NFYB: variants seen among roughly 807,000 people sequenced by gnomAD.
NFYB encodes CAAT box DNA-binding protein subunit B.
NFYB carries 13 observed loss-of-function variants against 28.0 expected under a neutral mutation model. The ratio of observed to expected loss-of-function variants is 0.46; its 90% confidence interval spans 0.30 to 0.74. The LOEUF (loss-of-function observed/expected upper bound fraction) is 0.74. Among genes scored for constraint, NFYB ranks in the 30% least tolerant of loss-of-function variants. NFYB has a pLI of 0.07. For missense variants in NFYB, 142 were observed against 247.6 expected, an observed-to-expected ratio of 0.57 and a Z score of 2.86; for synonymous variants, 74 against 75.0, an observed-to-expected ratio of 0.99 and a Z score of 0.07.
intron 2 of NFYB, among the ~76,000 whole-genome samples, chr12:104,132,110 C>T (rs1033358094): frequency 1.6e-4 from 25 of 152,094 alleles, no homozygotes; most frequent in Non-Finnish European, 2.9e-5. Context: ...GTGCCAAGTA[C>T]GAAGAAAAAC....
chr12:104,117,116 A>G lies in NFYB; in HGVS notation c.*2621T>C, dbSNP rs2030294552. ...AAAAACATTTTTATGATAGGTTAAC[A>G]TGGGAGCTTGCATACATAAGAAGTT... On this transcript the variant is annotated 3_prime_UTR_variant, in exon 8 of 8. Coordinates refer to ENST00000240055, the MANE Select transcript of NFYB (RefSeq NM_006166.4). 6.6e-6 allele frequency: 1 copy of G among 152,242 alleles called. No homozygotes were observed. The highest frequency in any genetic ancestry group is 1.5e-5 in the Non-Finnish European group (1 of 68,042). 9.4% of individuals were successfully genotyped at this position (152,242 alleles called of 1,614,324 possible). A position where few individuals can be genotyped will look rare whatever the true frequency, so the allele number is the denominator to read the frequency against.
At chr12:104,132,594 G>A (rs2030965118) in intron 2 of NFYB, among the ~76,000 whole-genome samples, 1 of 152,198 alleles carries the variant, frequency 6.6e-6, no homozygotes, top group Non-Finnish European at 1.5e-5. Flanking sequence ...CAACTAGACA[G>A]CTTTTTAGTA....
At chr12:104,125,561 C>T (rs540004615) in intron 4 of NFYB, among the ~76,000 whole-genome samples, 308 of 150,744 alleles carry the variant, frequency 2.0e-3, no homozygotes, top group African/African-American at 7.0e-3. Context: ...TTTTTTAAAA[C>T]AGTCGGGCCA....
At chr12:104,123,859 G>A (rs1183609662) in intron 4 of NFYB, among the ~76,000 whole-genome samples, 1 of 152,178 alleles carries the variant, frequency 6.6e-6, no homozygotes, top group East Asian at 1.9e-4. Context: ...TACTCAGGAG[G>A]ATGAGGCAGG....
At chr12:104,123,981 A>T (rs77675483) in intron 4 of NFYB, among the ~76,000 whole-genome samples, 146 of 152,312 alleles carry the variant, frequency 9.6e-4, no homozygotes, top group Admixed American at 3.8e-3. Flanking sequence ...AATTAAAAAA[A>T]TTTTAAAAAG....
At chr12:104,126,330 A>T in intron 3 of NFYB, 86 bp from the exon 4 acceptor site, 5 of 1,019,900 alleles carry the variant, frequency 4.9e-6, no homozygotes, top group Non-Finnish European at 6.7e-6. Flanking sequence ...TCCAGAATAA[A>T]ATCATTCTGG....
At position 104,127,584 on chromosome 12, in the gene NFYB, A is replaced by T. The variant is rs539644340; in HGVS notation, c.100+840T>A. 2.8e-3 allele frequency among the ~76,000 whole-genome samples: 292 copies of T among 104,624 alleles called. 1 individual carries two copies. In the Middle Eastern group the frequency reaches 0.048, roughly 17 times the overall value. 68.6% of individuals were successfully genotyped at this position (104,624 alleles called of 152,430 possible). On this transcript the variant is annotated intron_variant, in intron 3 of 7. Transcript: ENST00000240055. ...CTCCATCTCAAAAAAAATAAAAAAT[A>T]AAAAAAAAAAAAAAATTTTTTTTAC... is the stretch of plus-strand genomic sequence containing the variant.
At chr12:104,126,368 T>C (rs1388502477) in intron 3 of NFYB, 124 bp from the exon 4 acceptor site, 2 of 676,310 alleles carry the variant, frequency 3.0e-6, no homozygotes, top group Non-Finnish European at 2.2e-6. Context: ...ATTTAGGGAT[T>C]AGGATAGCAA....
intron 2 of NFYB, among the ~76,000 whole-genome samples, chr12:104,133,287 T>G (rs2030989130): frequency 3.3e-5 from 5 of 152,236 alleles, no homozygotes; most frequent in Admixed American, 2.6e-4. Flanking sequence ...CCAACTACTC[T>G]CTACAGCATT....
rs767456600 is a variant in NFYB, at chr12:104,126,229, A to T, written c.116T>A (p.Met39Lys). The T allele has an allele frequency of 6.3e-7, 1 of 1,594,520 alleles. No individual in the cohort carries two copies. Among genetic ancestry groups the T allele is most frequent in the Non-Finnish European group, 8.5e-7 (1 of 1,172,456 alleles). The change falls in exon 4 of 8, where the codon ATG (methionine) becomes AAG (lysine). Residue 39 changes from methionine (M) to lysine (K), a missense_variant. Met to Lys is a moderately conservative substitution (Grantham distance 95). Around this residue, in one of 2 missense-constraint regions of NFYB, gnomAD observed 54 missense variants for 58.1 expected, o/e 0.93. Transcript: ENST00000240055. ...ACCATTTGTGTCTTCATGATCATTC[A>T]TGCTGTCCTCAGTATCTAAAGAAAT... is the stretch of plus-strand genomic sequence containing the variant. Reference protein sequence around the residue: ...IQPHDDTEDSMNDHEDTNGSK... With the variant: ...IQPHDDTEDSKNDHEDTNGSK...
At chr12:104,124,552 A>C (rs926304084) in intron 4 of NFYB, among the ~76,000 whole-genome samples, 4 of 152,236 alleles carry the variant, frequency 2.6e-5, no homozygotes, top group African/African-American at 9.6e-5. Flanking sequence ...GTCAGTTTAG[A>C]TTCTCTAGTA....
Position 104,117,220 on chromosome 12 carries a change from A to G in NFYB, c.*2517T>C, listed in dbSNP as rs2030298947. 1 of 152,220 alleles carries G rather than the reference A, an allele frequency of 6.6e-6. No homozygotes were observed. The highest frequency in any genetic ancestry group is 1.5e-5 in the Non-Finnish European group (1 of 68,036). The allele number at this position is 152,220 out of a possible 1,614,324, so 9.4% of individuals were successfully genotyped here. ...GAGACCCCAGCTCTGACAAGCATAAATTAGGATATTATGCACCTGACACAT... is the reference window on the plus strand; with the variant it reads ...GAGACCCCAGCTCTGACAAGCATAAGTTAGGATATTATGCACCTGACACAT... On this transcript the variant is annotated 3_prime_UTR_variant, in exon 8 of 8. Coordinates refer to ENST00000240055, the MANE Select transcript of NFYB (RefSeq NM_006166.4).
chr12:104,128,116 T>A (rs1277390791), intron 3 of NFYB, among the ~76,000 whole-genome samples: 3 of 152,186 alleles, frequency 2.0e-5, no homozygotes, highest in Non-Finnish European at 4.4e-5. Flanking sequence ...AGTTACCCTA[T>A]CAATTGATTA....
At chr12:104,129,483 C>T (rs774205457) in intron 2 of NFYB, among the ~76,000 whole-genome samples, 17 of 152,108 alleles carry the variant, frequency 1.1e-4, no homozygotes, top group Admixed American at 2.0e-4. Context: ...AAGAAGCATG[C>T]GGATTCTCTG....
At position 104,138,153 on chromosome 12, in the gene NFYB, C is replaced by T. The variant is rs1418026268; in HGVS notation, c.-92G>A. Reference sequence around the variant, plus strand: ...GCGAGACACAAACCTCCAATGCAGCCCTGGTTGGCTCCCGTCTCCAATCGG... The same window carrying T: ...GCGAGACACAAACCTCCAATGCAGCTCTGGTTGGCTCCCGTCTCCAATCGG... On this transcript the variant is annotated 5_prime_UTR_variant, in exon 1 of 8. Coordinates refer to ENST00000240055, the MANE Select transcript of NFYB (RefSeq NM_006166.4). 1.3e-5 allele frequency: 2 copies of T among 148,590 alleles called. No homozygotes were observed. The highest frequency in any genetic ancestry group is 3.0e-5 in the Non-Finnish European group (2 of 66,584). 9.2% of individuals were successfully genotyped at this position (148,590 alleles called of 1,614,324 possible).
chr12:104,120,977 C>T (rs1053245351), intron 6 of NFYB, among the ~76,000 whole-genome samples: 1 of 151,974 alleles, frequency 6.6e-6, no homozygotes, highest in African/African-American at 2.4e-5. Flanking sequence ...CCTTAATATT[C>T]CTATCTCATA....
intron 2 of NFYB, 86 bp from the exon 3 acceptor site, chr12:104,128,603 A>T (rs2030811384): frequency 1.3e-6 from 1 of 797,690 alleles, no homozygotes; most frequent in East Asian, 2.6e-5. Context: ...TCACAGGATG[A>T]TGCATCAATT....
intron 2 of NFYB, among the ~76,000 whole-genome samples, chr12:104,133,893 C>T (rs942937483): frequency 2.0e-5 from 3 of 152,094 alleles, no homozygotes; most frequent in African/African-American, 7.2e-5. Context: ...AATTCTGCCC[C>T]ATACCCTTGC....
At position 104,120,064 on chromosome 12, in the gene NFYB, T is replaced by A. The variant is rs200242664; in HGVS notation, c.592-295A>T. Among the ~76,000 whole-genome samples, 756 of 125,864 alleles carry A rather than the reference T, an allele frequency of 6.0e-3. 9 individuals are homozygous for A. Among genetic ancestry groups the A allele is most frequent in the Non-Finnish European group, 0.011 (616 of 54,684 alleles). 82.6% of individuals were successfully genotyped at this position (125,864 alleles called of 152,430 possible). A position where few individuals can be genotyped will look rare whatever the true frequency, so the allele number is the denominator to read the frequency against. On this transcript the variant is annotated intron_variant, in intron 7 of 7. Transcript: ENST00000240055. ...ATCAATAGATATAATAAAAAAAAAA[T>A]TTTTTTTTTGAGACAGAGTCTCACT...
Sources: gnomAD v4.1 joint callset for allele counts (sites outside exome capture counted in the v4.1 genomes callset) on GRCh38, gnomAD v4.1.1 for gene constraint, gnomAD v4.1.1 regional missense constraint, MANE v1.5 for transcripts, NCBI Gene and HGNC (gene_info 2026-07-23, HGNC 2026-07-21) for gene names.